Variants in BCL2L1 observed in about 807,000 individuals in gnomAD.
BCL2L1 encodes BCL2 like 1.
In BCL2L1, 1 loss-of-function variant was observed where a neutral mutation model predicts 18.7. That is an observed-to-expected ratio of 0.05 (90% CI 0.02 to 0.25). The LOEUF is 0.25. BCL2L1 is among the 10% of genes least tolerant of loss of function. The pLI, the probability that BCL2L1 is intolerant of heterozygous loss-of-function variation, is 1.00. For missense variants in BCL2L1, 207 were observed against 304.9 expected (o/e 0.68, Z 2.39); for synonymous variants, 103 against 122.7 (o/e 0.84, Z 1.06).
intron 2 of BCL2L1, among the ~76,000 whole-genome samples, chr20:31,666,456 G>C (rs1346774325): frequency 6.6e-6 from 1 of 152,128 alleles, no homozygotes; most frequent in Non-Finnish European, 1.5e-5. Context: ...GATGGTGCAG[G>C]GGTGAGCAAG....
At chr20:31,717,672 A>T (rs557140174) in intron 2 of BCL2L1, among the ~76,000 whole-genome samples, 2 of 152,276 alleles carry the variant, frequency 1.3e-5, no homozygotes, top group Non-Finnish European at 2.9e-5. Context: ...CTGCAAAGGG[A>T]GCTGAGGTGC....
chr20:31,687,372 T>G (rs2060976015), intron 2 of BCL2L1, among the ~76,000 whole-genome samples: 1 of 151,168 alleles, frequency 6.6e-6, no homozygotes, highest in Non-Finnish European at 1.5e-5. Context: ...AAATTCTCGG[T>G]CGGGCGCGGT....
intron 2 of BCL2L1, among the ~76,000 whole-genome samples, chr20:31,682,878 C>T (rs1276688181): frequency 6.6e-6 from 1 of 152,224 alleles, no homozygotes; most frequent in Non-Finnish European, 1.5e-5. Context: ...TCCCCTCTAA[C>T]ACTCATCTGT....
At chr20:31,704,094 G>C (rs566597729) in intron 2 of BCL2L1, among the ~76,000 whole-genome samples, 45 of 135,574 alleles carry the variant, frequency 3.3e-4, no homozygotes, top group African/African-American at 1.3e-3. Flanking sequence ...CACTGCACCC[G>C]GCCCTAAACC....
intron 2 of BCL2L1, among the ~76,000 whole-genome samples, chr20:31,673,961 T>C (rs563080850): frequency 3.9e-5 from 6 of 152,238 alleles, no homozygotes; most frequent in Non-Finnish European, 8.8e-5. Flanking sequence ...ATGCTTTCAT[T>C]TGATCCTCAT....
chr20:31,667,740 T>C (rs1254151720), intron 2 of BCL2L1, among the ~76,000 whole-genome samples: 2 of 152,056 alleles, frequency 1.3e-5, no homozygotes, highest in Non-Finnish European at 2.9e-5. Flanking sequence ...CACACAGAGC[T>C]TTCTAAGAAC....
rs1337370233 is a variant in BCL2L1 at position 31,665,439 on chromosome 20, C to A, written c.*510G>T. On this transcript the variant is annotated 3_prime_UTR_variant, in exon 3 of 3. Transcript: ENST00000307677. ...AGCCTGAATCCCTAGTCAAAAGTGGCCCCTAAATGGCTCTTAGGGGGTAGG... is the reference window on the plus strand; with the variant it reads ...AGCCTGAATCCCTAGTCAAAAGTGGACCCTAAATGGCTCTTAGGGGGTAGG... 1 of 155,422 alleles carries A rather than the reference C, an allele frequency of 6.4e-6. No homozygotes were observed. Among genetic ancestry groups the A allele is most frequent in the Non-Finnish European group, 1.4e-5 (1 of 70,248 alleles). 9.6% of individuals were successfully genotyped at this position (155,422 alleles called of 1,614,324 possible).
intron 2 of BCL2L1, among the ~76,000 whole-genome samples, chr20:31,690,830 AG>A (rs1362992611): frequency 6.6e-6 from 1 of 152,044 alleles, no homozygotes; most frequent in Non-Finnish European, 1.5e-5. Context: ...TTTCCCAAAG[AG>A]GGTACCTTTG....
intron 2 of BCL2L1, among the ~76,000 whole-genome samples, chr20:31,690,582 T>G (rs1266417593): frequency 6.6e-6 from 1 of 151,766 alleles, no homozygotes; most frequent in Non-Finnish European, 1.5e-5. Context: ...TATTTTTTTT[T>G]TTTTTGCAGA....
chr20:31,708,985 A>G (rs2061411422), intron 2 of BCL2L1, among the ~76,000 whole-genome samples: 1 of 152,196 alleles, frequency 6.6e-6, no homozygotes, highest in Non-Finnish European at 1.5e-5. Context: ...CCTGATCTGC[A>G]GGTTGCAGGT....
upstream of BCL2L1, chr20:31,723,351 G>C: frequency 1.0e-6 from 1 of 985,540 alleles, no homozygotes; most frequent in Non-Finnish European, 1.2e-6. Flanking sequence ...CTCTCCTCAG[G>C]TCAGGAAGAG....
At chr20:31,666,185 G>A in intron 2 of BCL2L1, 99 bp from the exon 3 acceptor site, 12 of 1,475,598 alleles carry the variant, frequency 8.1e-6, no homozygotes, top group Non-Finnish European at 1.1e-5. Flanking sequence ...TTGGTGATGT[G>A]AAAAACTGTA....
At chr20:31,721,181 T>C (rs1298139808) in intron 2 of BCL2L1, among the ~76,000 whole-genome samples, 1 of 152,160 alleles carries the variant, frequency 6.6e-6, no homozygotes, top group Non-Finnish European at 1.5e-5. Context: ...GGGAACTTGA[T>C]TTGGGGGAGA....
chr20:31,709,837 T>C (rs2061424759), intron 2 of BCL2L1, among the ~76,000 whole-genome samples: 1 of 65,110 alleles, frequency 1.5e-5, no homozygotes, highest in Non-Finnish European at 2.5e-5. Context: ...CAAGACTCCA[T>C]CTCAAAAAAA....
At chr20:31,692,021 A>C (rs970318279) in intron 2 of BCL2L1, among the ~76,000 whole-genome samples, 2 of 152,272 alleles carry the variant, frequency 1.3e-5, no homozygotes, top group African/African-American at 4.8e-5. Context: ...ACTTCTGTGT[A>C]AACCCTACAA....
In BCL2L1 at chr20:31,666,106, A is replaced by C. The variant is rs1371496094; in HGVS notation, c.565-20T>G. The stretch of plus-strand genomic sequence containing the variant: ...AGTATCCTGCAGGGAGAGAGAAGGA[A>C]GGTGCAGTTTTAGTCCTCAGAGAGT... On this transcript the variant is annotated intron_variant, in intron 2 of 2. Transcript: ENST00000307677. 6.2e-7 allele frequency: 1 copy of C among 1,613,642 alleles called. No homozygotes were observed. Among genetic ancestry groups the C allele is most frequent in the African/African-American group, 1.3e-5 (1 of 74,918 alleles).
In BCL2L1 at chr20:31,722,151, C is replaced by T. The variant is rs2122880340; in HGVS notation, c.68G>A (p.Ser23Asn). Residue 23 changes from serine to asparagine, a missense_variant, in exon 2 of 3, where the codon AGC becomes AAC. By Grantham distance (46) the Ser-to-Asn change is conservative (BLOSUM62 1). Coordinates refer to ENST00000307677, the MANE Select transcript of BCL2L1 (RefSeq NM_138578.3). ...LSYKLSQKGY[S>N]WSQFSDVEEN... ...TTCCACATCACTAAACTGACTCCAG[C>T]TGTATCCTTTCTGGGAAAGCTTGTA... The T allele has an allele frequency of 2.0e-6, 3 of 1,509,460 alleles. No homozygotes were observed. The highest frequency in any genetic ancestry group is 2.6e-6 in the Non-Finnish European group (3 of 1,134,920). 93.5% of individuals were successfully genotyped at this position (1,509,460 alleles called of 1,614,324 possible).
chr20:31,721,330 C>T (rs1246553097), intron 2 of BCL2L1, among the ~76,000 whole-genome samples: 1 of 152,148 alleles, frequency 6.6e-6, no homozygotes, highest in Admixed American at 6.5e-5. Context: ...AGGGAAACAC[C>T]GAACTAACTT....
chr20:31,679,551 G>A (rs73903632), intron 2 of BCL2L1, among the ~76,000 whole-genome samples: 6 of 152,186 alleles, frequency 3.9e-5, no homozygotes, highest in South Asian at 2.1e-4. Context: ...CTGGTGTTCC[G>A]GCTGCAAAAT....
Sources: gnomAD v4.1 joint callset for allele counts (sites outside exome capture counted in the v4.1 genomes callset) on GRCh38, gnomAD v4.1.1 for gene constraint, MANE v1.5 for transcripts, NCBI Gene and HGNC (gene_info 2026-07-23, HGNC 2026-07-21) for gene names.